Variants in CUX1 observed in about 807,000 individuals in gnomAD.
CUX1 encodes the protein protein CASP.
In CUX1, 31 loss-of-function variants were observed where a neutral mutation model predicts 158.8. That is an observed-to-expected ratio of 0.20 (90% confidence interval 0.15 to 0.26). The LOEUF (loss-of-function observed/expected upper bound fraction) is 0.26. Ranked by LOEUF, CUX1 falls within the 10% of genes least tolerant of loss-of-function variation. The pLI, the probability that CUX1 is intolerant of heterozygous loss-of-function variation, is 1.00. For missense variants in CUX1, 1,589 were observed against 2,014.6 expected, an observed-to-expected ratio of 0.79 and a Z score of 4.04; for synonymous variants, 879 against 862.1, an observed-to-expected ratio of 1.02 and a Z score of -0.34.
chr7:101,879,548 A>T lies in CUX1; in HGVS notation c.31-36567A>T, dbSNP rs940374689. Among the ~76,000 whole-genome samples, 40 of 152,108 alleles carry T rather than the reference A, an allele frequency of 2.6e-4. 1 individual carries two copies. The highest frequency in any genetic ancestry group is 3.9e-4 in the Admixed American group (6 of 15,284). On this transcript the variant is annotated intron_variant, in intron 1 of 23. Coordinates refer to ENST00000292535, the MANE Select transcript of CUX1 (RefSeq NM_181552.4). ...CTCTGTGGTTGAGGCTGGTCTTACCATTGCTCCAGTTGTCTTCGGCCTTCT... is the reference window on the plus strand; with the variant it reads ...CTCTGTGGTTGAGGCTGGTCTTACCTTTGCTCCAGTTGTCTTCGGCCTTCT...
At chr7:101,891,965 T>C (rs76704148) in intron 1 of CUX1, among the ~76,000 whole-genome samples, 2,839 of 152,352 alleles carry the variant, frequency 0.019, 60 homozygotes, top group South Asian at 0.023. Flanking sequence ...ATAATTTTCT[T>C]TTCTTTGACA....
At position 102,170,549 on chromosome 7, in the gene CUX1, T is replaced by C; in HGVS notation, c.827T>C (p.Val276Ala). 1 of 1,575,072 alleles carries C rather than the reference T, an allele frequency of 6.3e-7. No homozygotes were observed. Among genetic ancestry groups the C allele is most frequent in the Non-Finnish European group, 8.6e-7 (1 of 1,159,768 alleles). The change falls in exon 10 of 24, where the codon GTG becomes GCG. Residue 276 changes from valine (V) to alanine (A), a missense_variant and splice_region_variant. By Grantham distance (64) the Val-to-Ala change is moderately conservative (BLOSUM62 0). Coordinates refer to ENST00000292535, the MANE Select transcript of CUX1 (RefSeq NM_181552.4). ...LASQIQKAPD[V>A]EQAIEVLTRS... Reference sequence around the variant, plus strand: ...TCACAGATCCAGAAGGCACCAGACGTGGTGGGTAGCCCCGGCCCCGTGGGG... The same window carrying C: ...TCACAGATCCAGAAGGCACCAGACGCGGTGGGTAGCCCCGGCCCCGTGGGG...
At position 102,008,570 on chromosome 7, in the gene CUX1, C is replaced by T. The variant is rs144250250; in HGVS notation, c.142-19528C>T. Among the ~76,000 whole-genome samples, 76 of 152,274 alleles carry T rather than the reference C, an allele frequency of 5.0e-4. 2 individuals carry two copies. In the East Asian group the frequency reaches 0.013, roughly 26 times the overall value. On this transcript the variant is annotated intron_variant, in intron 2 of 23. Coordinates refer to ENST00000292535, the MANE Select transcript of CUX1 (RefSeq NM_181552.4). ...GTGCAGAGTGCGTGTCTGTCCTCCT[C>T]TGCCCTCTCTAGAGATTGGGATATG...
intron 1 of CUX1, among the ~76,000 whole-genome samples, chr7:101,882,382 G>T (rs1169702590): frequency 1.3e-5 from 2 of 152,098 alleles, no homozygotes; most frequent in Non-Finnish European, 2.9e-5. Flanking sequence ...GCTTAGCCTA[G>T]TTGGCAAAAG....
At chr7:102,215,890 G>A (rs1023350416) in intron 20 of CUX1, among the ~76,000 whole-genome samples, 4 of 152,238 alleles carry the variant, frequency 2.6e-5, no homozygotes, top group African/African-American at 4.8e-5. Context: ...GGCTGCTCTC[G>A]GGGCAGACGC....
At chr7:102,041,256 C>CTTTTTTTTTTTTTTTT (rs11427183) in intron 3 of CUX1, among the ~76,000 whole-genome samples, 1 of 69,892 alleles carries the variant, frequency 1.4e-5, no homozygotes, top group Non-Finnish European at 2.6e-5. Flanking sequence ...CTTATCCATT[C>CTTTTTTTTTTTTTTTT]TTTTTTTTTT....
intron 3 of CUX1, among the ~76,000 whole-genome samples, chr7:102,032,491 C>A (rs974509880): frequency 6.6e-5 from 10 of 151,708 alleles, no homozygotes; most frequent in African/African-American, 2.4e-4. Context: ...CATGATGAAA[C>A]CCCGTCTAAT....
At chr7:101,837,671 A>C (rs1794769065) in intron 1 of CUX1, among the ~76,000 whole-genome samples, 1 of 151,742 alleles carries the variant, frequency 6.6e-6, no homozygotes, top group African/African-American at 2.4e-5. Context: ...TACAAAAAAA[A>C]TCCAAAAGTA....
chr7:102,172,376 G>T (rs1275460942), intron 10 of CUX1, among the ~76,000 whole-genome samples: 2 of 151,036 alleles, frequency 1.3e-5, no homozygotes, highest in African/African-American at 4.9e-5. Flanking sequence ...GCCACTGCGG[G>T]ATCTCACTCG....
intron 6 of CUX1, among the ~76,000 whole-genome samples, chr7:102,104,808 C>G (rs1554487911): frequency 6.6e-6 from 1 of 152,184 alleles, no homozygotes; most frequent in Non-Finnish European, 1.5e-5. Flanking sequence ...AGGAGACTCA[C>G]TTGAACCCGG....
chr7:102,177,150 A>G (rs533021024), intron 10 of CUX1, among the ~76,000 whole-genome samples: 1 of 152,006 alleles, frequency 6.6e-6, no homozygotes, highest in South Asian at 2.1e-4. Flanking sequence ...ACAGTGGCTC[A>G]TGCCTATAAT....
intron 8 of CUX1, among the ~76,000 whole-genome samples, chr7:102,157,504 G>A (rs1265209683): frequency 2.6e-5 from 4 of 152,226 alleles, no homozygotes; most frequent in Non-Finnish European, 4.4e-5. Flanking sequence ...TCCAGGCCGG[G>A]CGCGGTGGCT....
chr7:101,875,776 C>T (rs1046577803), intron 1 of CUX1, among the ~76,000 whole-genome samples: 7 of 152,106 alleles, frequency 4.6e-5, no homozygotes, highest in Non-Finnish European at 7.3e-5. Flanking sequence ...TCCTCTATTA[C>T]GTAGGCCTGA....
At chr7:101,930,069 T>G (rs1329313693) in intron 2 of CUX1, among the ~76,000 whole-genome samples, 1 of 152,184 alleles carries the variant, frequency 6.6e-6, no homozygotes, top group Admixed American at 6.5e-5. Context: ...CTTGATCTCT[T>G]CACCTCAGGT....
chr7:101,936,711 G>A (rs914358127), intron 2 of CUX1, among the ~76,000 whole-genome samples: 1 of 152,120 alleles, frequency 6.6e-6, no homozygotes, highest in Non-Finnish European at 1.5e-5. Context: ...CTGCCCAGGC[G>A]CCAGCCCTGC....
chr7:102,166,454 G>T (rs1021761262), intron 9 of CUX1, among the ~76,000 whole-genome samples: 2 of 152,156 alleles, frequency 1.3e-5, no homozygotes, highest in African/African-American at 4.8e-5. Context: ...CCACAGGGAA[G>T]TGATGTCTCA....
At chr7:102,176,258 T>C (rs1310386006) in intron 10 of CUX1, among the ~76,000 whole-genome samples, 1 of 152,152 alleles carries the variant, frequency 6.6e-6, no homozygotes, top group Non-Finnish European at 1.5e-5. Flanking sequence ...GTCCCCAAAT[T>C]TGAAAATCCG....
chr7:102,162,753 C>T (rs1347633918), intron 9 of CUX1, among the ~76,000 whole-genome samples: 2 of 152,136 alleles, frequency 1.3e-5, no homozygotes, highest in African/African-American at 2.4e-5. Context: ...TGGGCTCAAA[C>T]GATCCACCCA....
chr7:102,207,369 A>G (rs907937340), intron 20 of CUX1, among the ~76,000 whole-genome samples: 1 of 152,174 alleles, frequency 6.6e-6, no homozygotes, highest in Non-Finnish European at 1.5e-5. Flanking sequence ...AAAATCTTGA[A>G]GTCATAGGAA....
Sources: gnomAD v4.1 joint callset for allele counts (sites outside exome capture counted in the v4.1 genomes callset) on GRCh38, gnomAD v4.1.1 for gene constraint, MANE v1.5 for transcripts, NCBI Gene and HGNC (gene_info 2026-07-23, HGNC 2026-07-21) for gene names.